BMERB1: variants seen among roughly 807,000 people sequenced by gnomAD.
BMERB1 encodes bMERB domain containing 1, also known as bMERB domain-containing protein 1.
BMERB1 carries 12 observed loss-of-function variants against 23.6 expected under a neutral mutation model. The observed-to-expected ratio is 0.51, with a 90% CI of 0.33 to 0.82. BMERB1 has a LOEUF of 0.82. Among genes scored for constraint, BMERB1 ranks in the 40% least tolerant of loss-of-function variants. The pLI is 0.03. For missense variants in BMERB1, 247 were observed against 255.4 expected (o/e 0.97, Z 0.22); for synonymous variants, 122 against 96.6 (o/e 1.26, Z -1.54).
intron 1 of BMERB1, among the ~76,000 whole-genome samples, chr16:15,493,762 G>A (rs1324409725): frequency 6.6e-6 from 1 of 152,068 alleles, no homozygotes; most frequent in Non-Finnish European, 1.5e-5. Flanking sequence ...TTACCTTTCT[G>A]AATGAAAATA....
intron 1 of BMERB1, among the ~76,000 whole-genome samples, chr16:15,507,616 G>A (rs952251575): frequency 6.6e-5 from 10 of 152,146 alleles, no homozygotes; most frequent in East Asian, 1.9e-4. Flanking sequence ...GTTTCTTCCC[G>A]TGATTTGTCC....
intron 1 of BMERB1, among the ~76,000 whole-genome samples, chr16:15,470,516 T>C (rs2051219226): frequency 1.4e-5 from 2 of 140,292 alleles, no homozygotes; most frequent in South Asian, 2.3e-4. Context: ...GGAGTGTTCC[T>C]TTTTCTTTCT....
At position 15,564,771 on chromosome 16, in the gene BMERB1, A is replaced by G. The variant is rs111469278; in HGVS notation, c.231-3212A>G. 8.4e-3 allele frequency among the ~76,000 whole-genome samples: 1,285 copies of G among 152,344 alleles called. 16 individuals are homozygous for G. Among genetic ancestry groups the G allele is most frequent in the African/African-American group, 0.029 (1,205 of 41,584 alleles). The stretch of plus-strand genomic sequence containing the variant: ...GAATGGAATATGTAAGACTTGGCTC[A>G]TAGAAACCTAATCAGATGGTTAGAG... On this transcript the variant is annotated intron_variant, in intron 2 of 5. Coordinates refer to ENST00000300006, the MANE Select transcript of BMERB1 (RefSeq NM_033201.3).
chr16:15,486,455 CT>C (rs1371205965), intron 1 of BMERB1, among the ~76,000 whole-genome samples: 1 of 152,156 alleles, frequency 6.6e-6, no homozygotes, highest in African/African-American at 2.4e-5. Flanking sequence ...CTCCTCTATT[CT>C]TCTATCTCAT....
At chr16:15,450,925 G>A (rs930563044) in intron 1 of BMERB1, among the ~76,000 whole-genome samples, 1 of 152,130 alleles carries the variant, frequency 6.6e-6, no homozygotes, top group African/African-American at 2.4e-5. Context: ...GAGGTTCCAC[G>A]TTCCATCATA....
chr16:15,510,104 C>G (rs2051644937), intron 1 of BMERB1, among the ~76,000 whole-genome samples: 1 of 152,196 alleles, frequency 6.6e-6, no homozygotes, highest in Non-Finnish European at 1.5e-5. Context: ...AGATCCATCC[C>G]TAGAGCCTCT....
intron 1 of BMERB1, among the ~76,000 whole-genome samples, chr16:15,442,448 G>A (rs2050947573): frequency 6.6e-6 from 1 of 152,042 alleles, no homozygotes; most frequent in Non-Finnish European, 1.5e-5. Context: ...AAATATGATA[G>A]TATCTAGAAT....
At chr16:15,544,622 T>G (rs1454382119) in intron 2 of BMERB1, among the ~76,000 whole-genome samples, 1 of 152,214 alleles carries the variant, frequency 6.6e-6, no homozygotes, top group Non-Finnish European at 1.5e-5. Flanking sequence ...GTTCTCCTGT[T>G]GAATGTAAAC....
chr16:15,502,478 C>T (rs2051540608), intron 1 of BMERB1: 1 of 982,712 alleles, frequency 1.0e-6, no homozygotes, highest in East Asian at 2.6e-5. Flanking sequence ...GACTTCATCT[C>T]TTTGGGAAAC....
At chr16:15,434,916 C>G (rs527540712) in intron 1 of BMERB1, among the ~76,000 whole-genome samples, 157 bp downstream of exon 1, 7 of 152,352 alleles carry the variant, frequency 4.6e-5, no homozygotes, top group African/African-American at 7.2e-5. Context: ...CTCTGCGCAG[C>G]GACGCGCTCT....
At chr16:15,480,602 CTGTCTTTTTTTTTT>C (rs1567462703) in intron 1 of BMERB1, among the ~76,000 whole-genome samples, 1 of 130,538 alleles carries the variant, frequency 7.7e-6, no homozygotes, top group Non-Finnish European at 1.6e-5. Context: ...GCCAATTCCA[CTGTCTTTTTTTTTT>C]TTTTTTTTTT....
Position 15,502,226 on chromosome 16 carries a change from G to A in BMERB1, c.107-13079G>A, listed in dbSNP as rs952350537. 25 of 1,463,612 alleles carry A rather than the reference G, an allele frequency of 1.7e-5. No individual in the cohort carries two copies. The Admixed American group carries it at 1.8e-4, about 10-fold the overall frequency. 90.7% of individuals were successfully genotyped at this position (1,463,612 alleles called of 1,614,324 possible). On this transcript the variant is annotated intron_variant, in intron 1 of 5. Transcript: ENST00000300006. ...GATGTGGCTGGGGAAACAGAAACTC[G>A]CAGAAGTTAAAAAAATGTGCTTGAG...
intron 1 of BMERB1, among the ~76,000 whole-genome samples, chr16:15,447,525 G>A (rs182327243): frequency 6.6e-6 from 1 of 152,212 alleles, no homozygotes; most frequent in East Asian, 1.9e-4. Flanking sequence ...CCGTATCAAA[G>A]GCTAATTAAG....
At chr16:15,525,800 C>G (rs2051900005) in intron 2 of BMERB1, among the ~76,000 whole-genome samples, 1 of 152,112 alleles carries the variant, frequency 6.6e-6, no homozygotes, top group Non-Finnish European at 1.5e-5. Context: ...AGAACCCTGA[C>G]TGATAGAGCC....
At chr16:15,556,094 G>A (rs369574794) in intron 2 of BMERB1, among the ~76,000 whole-genome samples, 3 of 151,758 alleles carry the variant, frequency 2.0e-5, no homozygotes, top group East Asian at 3.9e-4. Flanking sequence ...CAGGAGAATC[G>A]CCTGAACCTG....
intron 1 of BMERB1, among the ~76,000 whole-genome samples, chr16:15,452,902 T>C (rs1043014557): frequency 6.6e-6 from 1 of 152,108 alleles, no homozygotes; most frequent in East Asian, 1.9e-4. Flanking sequence ...TGGCAAGACA[T>C]TGGAGGTGCT....
At chr16:15,477,969 C>G (rs559567014) in intron 1 of BMERB1, among the ~76,000 whole-genome samples, 1 of 152,266 alleles carries the variant, frequency 6.6e-6, no homozygotes, top group Admixed American at 6.5e-5. Flanking sequence ...ACTACTGCAT[C>G]TTGGCCAGAA....
At chr16:15,502,491 T>C in intron 1 of BMERB1, 1 of 911,098 alleles carries the variant, frequency 1.1e-6, no homozygotes, top group Non-Finnish European at 1.8e-6. Flanking sequence ...TGGGAAACGG[T>C]GACTCATTAA....
At chr16:15,467,857 T>A (rs931603865) in intron 1 of BMERB1, among the ~76,000 whole-genome samples, 3 of 152,150 alleles carry the variant, frequency 2.0e-5, no homozygotes, top group Non-Finnish European at 4.4e-5. Flanking sequence ...GTACATTGAT[T>A]TGGTCCAGAA....
Sources: gnomAD v4.1 joint callset for allele counts (sites outside exome capture counted in the v4.1 genomes callset) on GRCh38, gnomAD v4.1.1 for gene constraint, MANE v1.5 for transcripts, NCBI Gene and HGNC (gene_info 2026-07-23, HGNC 2026-07-21) for gene names.